The following LYSMD4 variants were observed in gnomAD, a reference collection of about 807,000 sequenced individuals.
The protein encoded by LYSMD4 is lysM and putative peptidoglycan-binding domain-containing protein 4.
In LYSMD4, 9 loss-of-function variants were observed where a neutral mutation model predicts 6.1. The observed-to-expected ratio is 1.47, with a 90% CI of 0.88 to 2.56. LYSMD4 has a LOEUF of 2.56. Ranked by LOEUF, LYSMD4 falls within the 30% of genes most tolerant of loss-of-function variation. LYSMD4 has a pLI of 0.00. For synonymous variants in LYSMD4, 143 were observed against 148.5 expected (o/e 0.96, Z 0.27); for missense variants, 384 against 373.5 (o/e 1.03, Z -0.23).
chr15:99,723,192 G>A (rs950976756), downstream of LYSMD4, among the ~76,000 whole-genome samples: 6 of 152,048 alleles, frequency 3.9e-5, no homozygotes, highest in Non-Finnish European at 7.4e-5. Context: ...GGGAAATAAT[G>A]AGGAAAAAGT....
rs993796455 is a variant in LYSMD4, at chr15:99,728,382, A to G, written c.*741T>C. The stretch of plus-strand genomic sequence containing the variant: ...CCAAGGAGGACAAGTGGGAGAATCC[A>G]GAGAGCCACGCTGTGGGACGGCTCC... On this transcript the variant is annotated 3_prime_UTR_variant, in exon 3 of 3. Coordinates refer to ENST00000684762, the MANE Select transcript of LYSMD4 (RefSeq NM_001284417.2). 8.5e-5 allele frequency: 13 copies of G among 152,728 alleles called. No homozygotes were observed. The highest frequency in any genetic ancestry group is 3.1e-4 in the African/African-American group (13 of 41,598). 9.5% of individuals were successfully genotyped at this position (152,728 alleles called of 1,614,324 possible).
chr15:99,724,263 TATC>T (rs544155038), downstream of LYSMD4, among the ~76,000 whole-genome samples: 1,198 of 144,240 alleles, frequency 8.3e-3, 23 homozygotes, highest in South Asian at 0.023. Flanking sequence ...TTTTAAAAAT[TATC>T]ATTATTTCTC....
At chr15:99,718,921 AC>A (rs2059216713), upstream of LYSMD4, among the ~76,000 whole-genome samples, 3 of 148,592 alleles carry the variant, frequency 2.0e-5, no homozygotes, top group Non-Finnish European at 4.5e-5. Flanking sequence ...ACACACACAC[AC>A]ACACACACAC....
rs190003605 is a variant in LYSMD4, at chr15:99,730,944, G to T, written c.282+774C>A. 6.6e-3 allele frequency among the ~76,000 whole-genome samples: 1,001 copies of T among 152,174 alleles called. 14 individuals carry two copies. Among genetic ancestry groups the T allele is most frequent in the African/African-American group, 0.023 (940 of 41,486 alleles). ...AATTTAAAGACCACTATGTGTCCCC[G>T]GAGACCAACCTGTTTATTTCCCTGA... On this transcript the variant is annotated intron_variant, in intron 2 of 2. Coordinates refer to ENST00000684762, the MANE Select transcript of LYSMD4 (RefSeq NM_001284417.2).
At chr15:99,731,461 AGAAAACAG>A in intron 2 of LYSMD4, 1 of 1,599,660 alleles carries the variant, frequency 6.3e-7, no homozygotes, top group Non-Finnish European at 8.5e-7. Flanking sequence ...TTCAGTGTGG[AGAAAACAG>A]GAAAAGGAGA....
upstream of LYSMD4, among the ~76,000 whole-genome samples, chr15:99,721,276 G>A (rs930486945): frequency 5.3e-5 from 8 of 152,198 alleles, no homozygotes; most frequent in Non-Finnish European, 1.2e-4. Context: ...CAGGAACTGT[G>A]TTCTGACAAT....
chr15:99,731,067 A>C, intron 2 of LYSMD4: 2 of 1,010,820 alleles, frequency 2.0e-6, no homozygotes, highest in Non-Finnish European at 3.0e-6. Context: ...AGTAGCTTAT[A>C]TACCCCTAGA....
At chr15:99,716,704 G>A (rs966707203) in exon 1 of LYSMD4, 32 of 456,612 alleles carry the variant, frequency 7.0e-5, no homozygotes, top group African/African-American at 5.4e-4. Context: ...CTGCTGGGCA[G>A]CCCTGGAGCC....
At chr15:99,730,125 C>A (rs1185406000) in intron 2 of LYSMD4, among the ~76,000 whole-genome samples, 1 of 152,234 alleles carries the variant, frequency 6.6e-6, no homozygotes, top group East Asian at 1.9e-4. Flanking sequence ...GTGCCCCCAT[C>A]TGCCTGCCTT....
Position 99,729,045 on chromosome 15 carries a change from C to T in LYSMD4, c.*78G>A. 1.3e-6 allele frequency: 2 copies of T among 1,571,284 alleles called. No individual in the cohort carries two copies. Among genetic ancestry groups the T allele is most frequent in the South Asian group, 1.2e-5 (1 of 84,070 alleles). ...TTCCCCGGAAGCAAAATGCAGCACCCCTAGGACATCGCCAGTGACAGCTGA... is the reference window on the plus strand; with the variant it reads ...TTCCCCGGAAGCAAAATGCAGCACCTCTAGGACATCGCCAGTGACAGCTGA... On this transcript the variant is annotated 3_prime_UTR_variant, in exon 3 of 3. Coordinates refer to ENST00000684762, the MANE Select transcript of LYSMD4 (RefSeq NM_001284417.2).
chr15:99,732,128 A>G, intron 1 of LYSMD4, 121 bp from the exon 2 acceptor site: 2 of 1,053,206 alleles, frequency 1.9e-6, no homozygotes, highest in Non-Finnish European at 2.7e-6. Flanking sequence ...AATACTCAGC[A>G]TACATCATCA....
exon 1 of LYSMD4, chr15:99,716,087 A>T (rs1415932713): frequency 2.5e-5 from 4 of 157,424 alleles, no homozygotes; most frequent in Admixed American, 2.5e-4. Context: ...TTAGAATGTG[A>T]AAAAGATTTT....
rs1375078356 is a variant in LYSMD4, at chr15:99,727,525, A to G, written c.*1598T>C. The G allele has an allele frequency of 2.0e-5, 3 of 152,266 alleles. No individual in the cohort carries two copies. Among genetic ancestry groups the G allele is most frequent in the Non-Finnish European group, 1.5e-5 (1 of 68,050 alleles). 9.4% of individuals were successfully genotyped at this position (152,266 alleles called of 1,614,324 possible). On this transcript the variant is annotated 3_prime_UTR_variant, in exon 3 of 3. Coordinates refer to ENST00000684762, the MANE Select transcript of LYSMD4 (RefSeq NM_001284417.2). ...GCCTGCCTGGTGAAGTGACAGTGACAGATGTTAGAGGAACCTGTGGCCCTC... is the reference window on the plus strand; with the variant it reads ...GCCTGCCTGGTGAAGTGACAGTGACGGATGTTAGAGGAACCTGTGGCCCTC...
In LYSMD4 at chr15:99,731,747, T is replaced by C. The variant is rs767841167; in HGVS notation, c.253A>G (p.Asn85Asp). The change falls in exon 2 of 3, where the codon AAC becomes GAC. Residue 85 changes from asparagine (N) to aspartate (D), a missense_variant. By Grantham distance (23) the Asn-to-Asp change is conservative. Transcript: ENST00000684762. The part of the protein sequence containing the change: ...QRELAQEDSL[N>D]KLALQYGCKV... ...CAGCCATACTGCAGCGCCAGCTTGTTGAGGCTGTCCTCCTGGGCCAGCTCC... is the reference window on the plus strand; with the variant it reads ...CAGCCATACTGCAGCGCCAGCTTGTCGAGGCTGTCCTCCTGGGCCAGCTCC... 6.2e-7 allele frequency: 1 copy of C among 1,606,046 alleles called. No individual in the cohort carries two copies. The highest frequency in any genetic ancestry group is 2.2e-5 in the East Asian group (1 of 44,774).
At chr15:99,726,146 GTT>G (rs10637642), downstream of LYSMD4, among the ~76,000 whole-genome samples, 1 of 62,182 alleles carries the variant, frequency 1.6e-5, no homozygotes, top group African/African-American at 5.9e-5. Flanking sequence ...GTCTCAAGTG[GTT>G]TTTTTTTTTT....
At chr15:99,724,405 C>T (rs2059261522), downstream of LYSMD4, among the ~76,000 whole-genome samples, 1 of 152,212 alleles carries the variant, frequency 6.6e-6, no homozygotes, top group South Asian at 2.1e-4. Flanking sequence ...GGACTACAGG[C>T]GCATGCTACT....
chr15:99,733,248 C>T, intron 1 of LYSMD4, 97 bp downstream of exon 1: 1 of 379,696 alleles, frequency 2.6e-6, no homozygotes, highest in Non-Finnish European at 4.7e-6. Context: ...AGGGGCGGCC[C>T]GCCCGCGAAC....
chr15:99,722,639 A>G (rs1272549949), downstream of LYSMD4, among the ~76,000 whole-genome samples: 1 of 152,248 alleles, frequency 6.6e-6, no homozygotes, highest in Non-Finnish European at 1.5e-5. Flanking sequence ...AACAGCTATT[A>G]CAAATATCCT....
chr15:99,728,377 A>T lies in LYSMD4; in HGVS notation c.*746T>A, dbSNP rs577928108. 8 of 152,672 alleles carry T rather than the reference A, an allele frequency of 5.2e-5. No homozygotes were observed. Among genetic ancestry groups the T allele is most frequent in the African/African-American group, 1.4e-4 (6 of 41,578 alleles). The allele number at this position is 152,672 out of a possible 1,614,324, so 9.5% of individuals were successfully genotyped here. A position where few individuals can be genotyped will look rare whatever the true frequency, so the allele number is the denominator to read the frequency against. On this transcript the variant is annotated 3_prime_UTR_variant, in exon 3 of 3. Transcript: ENST00000684762. ...TCCTTCCAAGGAGGACAAGTGGGAG[A>T]ATCCAGAGAGCCACGCTGTGGGACG...
Sources: gnomAD v4.1 joint callset for allele counts (sites outside exome capture counted in the v4.1 genomes callset) on GRCh38, gnomAD v4.1.1 for gene constraint, MANE v1.5 for transcripts, NCBI Gene and HGNC (gene_info 2026-07-23, HGNC 2026-07-21) for gene names.